Variants in SLC25A6 observed in about 807,000 individuals in gnomAD.
The protein encoded by SLC25A6 is solute carrier family 25 member 6, also known as ADP/ATP translocase 3.
In SLC25A6, 9 loss-of-function variants were observed where a neutral mutation model predicts 25.7. The observed-to-expected ratio is 0.35, with a 90% confidence interval of 0.21 to 0.61. The LOEUF is 0.61. Ranked by LOEUF, SLC25A6 falls within the 20% of genes least tolerant of loss-of-function variation. The probability of loss-of-function intolerance (pLI) is 0.76; values close to 1 mark genes in which losing one functional copy is unlikely to be tolerated. For synonymous variants in SLC25A6, 223 were observed against 197.0 expected, an observed-to-expected ratio of 1.13 and a Z score of -1.11; for missense variants, 404 against 440.5, an observed-to-expected ratio of 0.92 and a Z score of 0.74.
intron 3 of SLC25A6, 67 bp from the exon 4 acceptor site, chrX:1,386,826 C>A: frequency 1.3e-6 from 2 of 1,525,132 alleles, no homozygotes; most frequent in Non-Finnish European, 1.8e-6. Context: ...GCCACCTGCA[C>A]CCACAAAGAC....
rs764365091 is a variant in SLC25A6 at position 1,389,532 on chromosome X, C to T, written c.307G>A (p.Val103Met). Residue 103 changes from valine (V) to methionine (M), a missense_variant, in exon 2 of 4, where the codon GTG becomes ATG. Val to Met is a conservative substitution (Grantham distance 21). Transcript: ENST00000381401. ...CTCCAGAACTGCGTGTGCTTGTCCACGCCCCCCAGGAAGATCTGCTTGTAC... is the reference window on the plus strand; with the variant it reads ...CTCCAGAACTGCGTGTGCTTGTCCATGCCCCCCAGGAAGATCTGCTTGTAC... ...DKYKQIFLGG[V>M]DKHTQFWRYF... The T allele has an allele frequency of 3.1e-6, 5 of 1,614,084 alleles. No homozygotes were observed. Among genetic ancestry groups the T allele is most frequent in the African/African-American group, 2.7e-5 (2 of 74,940 alleles).
Position 1,386,523 on chromosome X carries a change from T to A in SLC25A6, c.*79A>T. 1 of 1,352,132 alleles carries A rather than the reference T, an allele frequency of 7.4e-7. No homozygotes were observed. The highest frequency in any genetic ancestry group is 9.6e-7 in the Non-Finnish European group (1 of 1,042,286). 83.8% of individuals were successfully genotyped at this position (1,352,132 alleles called of 1,614,324 possible). ...ACAACTGGAATTTCTCGAAGGTTGA[T>A]GGTCCGCACGGTTGAGGATTCTACG... On this transcript the variant is annotated 3_prime_UTR_variant, in exon 4 of 4. Coordinates refer to ENST00000381401, the MANE Select transcript of SLC25A6 (RefSeq NM_001636.4).
Position 1,386,299 on chromosome X carries a change from C to T in SLC25A6, c.*303G>A, listed in dbSNP as rs746029229. On this transcript the variant is annotated 3_prime_UTR_variant, in exon 4 of 4. Coordinates refer to ENST00000381401, the MANE Select transcript of SLC25A6 (RefSeq NM_001636.4). ...TTGTTTTAAATAAATACTTAGAACA[C>T]GACTTGGCTCCTACAAGCATCTGGA... 1.9e-5 allele frequency: 7 copies of T among 368,564 alleles called. No individual in the cohort carries two copies. The highest frequency in any genetic ancestry group is 1.2e-4 in the South Asian group (1 of 8,190). The allele number at this position is 368,564 out of a possible 1,614,324, so 22.8% of individuals were successfully genotyped here.
chrX:1,386,900 G>A, intron 3 of SLC25A6, 141 bp from the exon 4 acceptor site: 1 of 1,065,702 alleles, frequency 9.4e-7, no homozygotes. Flanking sequence ...GGATACCTGA[G>A]GCTCCCCCAG....
chrX:1,387,288 G>A lies in SLC25A6; in HGVS notation c.730C>T (p.Arg244Cys), dbSNP rs148301165. ...CCGCCCCCCCGAGTACCTCCTTTGCGCCCGGACTGCATCATCATGCGCCGC... is the reference window on the plus strand; with the variant it reads ...CCGCCCCCCCGAGTACCTCCTTTGCACCCGGACTGCATCATCATGCGCCGC... ...VRRRMMMQSGRKGADIMYTGT... is the reference protein window; with the variant it reads ...VRRRMMMQSGCKGADIMYTGT... The change falls in exon 3 of 4, where the codon CGC becomes TGC. Residue 244 changes from arginine (R) to cysteine (C), a missense_variant. Arg to Cys is a radical substitution (Grantham distance 180). Coordinates refer to ENST00000381401, the MANE Select transcript of SLC25A6 (RefSeq NM_001636.4). 1.1e-4 allele frequency: 180 copies of A among 1,612,312 alleles called. 3 individuals are homozygous for A. Among genetic ancestry groups the A allele is most frequent in the Non-Finnish European group, 9.6e-5 (113 of 1,179,566 alleles).
At chrX:1,391,676 T>G (rs1477072544) in intron 1 of SLC25A6, among the ~76,000 whole-genome samples, 1 of 151,980 alleles carries the variant, frequency 6.6e-6, no homozygotes, top group Non-Finnish European at 1.5e-5. Context: ...GTGCCGCATT[T>G]CCCCCCGCCC....
At chrX:1,387,557 T>G (rs2089342202) in intron 2 of SLC25A6, 138 bp from the exon 3 acceptor site, 1 of 1,261,858 alleles carries the variant, frequency 7.9e-7, no homozygotes, top group Non-Finnish European at 1.1e-6. Flanking sequence ...TCCACGTGGC[T>G]GCTCAGTGCC....
At position 1,386,626 on chromosome X, in the gene SLC25A6, G is replaced by A. The variant is rs1332949938; in HGVS notation, c.873C>T (p.Tyr291=). 5 of 1,591,790 alleles carry A rather than the reference G, an allele frequency of 3.1e-6. No individual in the cohort carries two copies. Among genetic ancestry groups the A allele is most frequent in the African/African-American group, 2.7e-5 (2 of 73,800 alleles). The change falls in exon 4 of 4, where the codon TAC becomes TAT. Residue 291 remains tyrosine (Y), a synonymous_variant. Transcript: ENST00000381401. ...GMGGAFVLVL[Y]DELKKVI ...CTTAGATCACCTTCTTGAGCTCGTC[G>A]TACAGGACCAGCACGAAGGCGCCCC...
chrX:1,387,471 AC>A, intron 2 of SLC25A6, 52 bp from the exon 3 acceptor site: 1 of 1,601,230 alleles, frequency 6.2e-7, no homozygotes. Context: ...GCCACCCGAG[AC>A]CAGGGTCGGC....
In SLC25A6 at chrX:1,388,723, A is replaced by T. The variant is rs112727268; in HGVS notation, c.598+518T>A. Among the ~76,000 whole-genome samples the T allele has an allele frequency of 2.9e-3, 440 of 151,760 alleles. 2 individuals carry two copies. Among genetic ancestry groups the T allele is most frequent in the African/African-American group, 0.01 (423 of 41,364 alleles). Reference sequence around the variant, plus strand: ...CAGCCTGCAGGACTGTGGGAGAATCAATGTCTGCTGTTTACAATCCACCCA... The same window carrying T: ...CAGCCTGCAGGACTGTGGGAGAATCTATGTCTGCTGTTTACAATCCACCCA... On this transcript the variant is annotated intron_variant, in intron 2 of 3. Transcript: ENST00000381401.
At chrX:1,391,567 C>A (rs757745726) in intron 1 of SLC25A6, among the ~76,000 whole-genome samples, 1 of 152,356 alleles carries the variant, frequency 6.6e-6, no homozygotes, top group African/African-American at 2.4e-5. Context: ...AAGGGTTGGT[C>A]CCAGCCGGGG....
chrX:1,391,326 G>C (rs2089407083), intron 1 of SLC25A6, among the ~76,000 whole-genome samples: 2 of 152,118 alleles, frequency 1.3e-5, no homozygotes, highest in Non-Finnish European at 2.9e-5. Context: ...ACGTCCTGGC[G>C]GCAATGTTCC....
Position 1,387,340 on chromosome X carries a change from C to T in SLC25A6, c.678G>A (p.Val226=). The change falls in exon 3 of 4, where the codon GTG becomes GTA. Residue 226 remains valine, a synonymous_variant. Transcript: ENST00000381401. ...IAQTVTAVAG[V]VSYPFDTVRR... The stretch of plus-strand genomic sequence containing the variant: ...GCACCGTGTCGAAGGGGTAGGACAC[C>T]ACGCCGGCCACGGCCGTCACGGTCT... 1.1e-5 allele frequency: 18 copies of T among 1,613,354 alleles called. No individual in the cohort carries two copies. Among genetic ancestry groups the T allele is most frequent in the Non-Finnish European group, 1.4e-5 (17 of 1,179,776 alleles).
chrX:1,391,852 C>A (rs1235762942), intron 1 of SLC25A6, 47 bp downstream of exon 1: 1 of 1,461,428 alleles, frequency 6.8e-7, no homozygotes, highest in Non-Finnish European at 9.4e-7. Flanking sequence ...CCCGGCCACT[C>A]GGTTCCCGTC....
chrX:1,389,213 G>A, intron 2 of SLC25A6, 28 bp downstream of exon 2: 1 of 1,602,066 alleles, frequency 6.2e-7, no homozygotes. Context: ...GCCCGTCTCT[G>A]GGACTTCGCG....
Position 1,389,248 on chromosome X carries a change from CG to C in SLC25A6, c.590del (p.Thr197ArgfsTer16). ...YRAAYFGVYD[T>X]AKGMLPDPKN... ...GATGGCAGCCACACGTACCCTTGGC[CG>C]TATCGTACACGCCGAAGTAGGCCGC... On this transcript the variant is annotated frameshift_variant, in exon 2 of 4. Transcript: ENST00000381401. LOFTEE classifies it high-confidence loss of function. 2 of 1,611,398 alleles carry C rather than the reference CG, an allele frequency of 1.2e-6. No individual in the cohort carries two copies.
chrX:1,389,721 GCTGGA>G lies in SLC25A6; in HGVS notation c.113_117del (p.Val38AlafsTer55). 6.2e-7 allele frequency: 1 copy of G among 1,612,004 alleles called. No individual in the cohort carries two copies. Among genetic ancestry groups the G allele is most frequent in the Non-Finnish European group, 8.5e-7 (1 of 1,179,234 alleles). On this transcript the variant is annotated frameshift_variant and splice_region_variant, in exon 2 of 4. Coordinates refer to ENST00000381401, the MANE Select transcript of SLC25A6 (RefSeq NM_001636.4). LOFTEE classifies it high-confidence loss of function. ...TCGGCGGCGATCTGCTTGCTGGCGTGCTGGACCTGGGGGACGCAGAGGGTGTTCAG... is the reference window on the plus strand; with the variant it reads ...TCGGCGGCGATCTGCTTGCTGGCGTGCCTGGGGGACGCAGAGGGTGTTCAG...
At chrX:1,388,688 C>T (rs1416679578) in intron 2 of SLC25A6, among the ~76,000 whole-genome samples, 22 of 151,874 alleles carry the variant, frequency 1.4e-4, no homozygotes, top group Admixed American at 1.4e-3. Context: ...ATGCCTTGGT[C>T]TCAGACCTTC....
chrX:1,387,528 C>G lies in SLC25A6; in HGVS notation c.599-109G>C. 2.0e-6 allele frequency: 3 copies of G among 1,482,058 alleles called. No homozygotes were observed. In the South Asian group the frequency reaches 3.7e-5, roughly 18 times the overall value. 91.8% of individuals were successfully genotyped at this position (1,482,058 alleles called of 1,614,324 possible). ...CCCCTGAGGTGGTGCCGAGCTCTTC[C>G]GAGACCACCAGTGCCCCCTCCACGT... On this transcript the variant is annotated intron_variant, in intron 2 of 3. Coordinates refer to ENST00000381401, the MANE Select transcript of SLC25A6 (RefSeq NM_001636.4).
Sources: gnomAD v4.1 joint callset for allele counts (sites outside exome capture counted in the v4.1 genomes callset) on GRCh38, gnomAD v4.1.1 for gene constraint, MANE v1.5 for transcripts, NCBI Gene and HGNC (gene_info 2026-07-23, HGNC 2026-07-21) for gene names.